The following GRIN2A variants were observed in gnomAD, a reference collection of about 807,000 sequenced individuals.
GRIN2A encodes glutamate receptor ionotropic, NMDA 2A.
In GRIN2A, 22 loss-of-function variants were observed where a neutral mutation model predicts 113.4. That is an observed-to-expected ratio of 0.19 (90% CI 0.14 to 0.28). GRIN2A has a LOEUF of 0.28. GRIN2A is among the 10% of genes least tolerant of loss of function. The pLI, the probability that GRIN2A is intolerant of heterozygous loss-of-function variation, is 1.00. For missense variants in GRIN2A, 1,502 were observed against 1,887.0 expected (o/e 0.80, Z 3.78); for synonymous variants, 827 against 738.4 (o/e 1.12, Z -1.94).
intron 2 of GRIN2A, among the ~76,000 whole-genome samples, chr16:10,174,098 G>A (rs888086775): frequency 6.6e-6 from 1 of 152,192 alleles, no homozygotes; most frequent in Admixed American, 6.5e-5. Context: ...ATGGAGGATA[G>A]GTCCAATATG....
At chr16:9,969,107 C>A (rs922076627) in intron 2 of GRIN2A, among the ~76,000 whole-genome samples, 1 of 152,058 alleles carries the variant, frequency 6.6e-6, no homozygotes, top group African/African-American at 2.4e-5. Context: ...TCAGGTCACA[C>A]TAGCCACACT....
intron 5 of GRIN2A, among the ~76,000 whole-genome samples, chr16:9,846,847 T>C (rs2042781587): frequency 6.6e-6 from 1 of 152,212 alleles, no homozygotes; most frequent in Admixed American, 6.5e-5. Flanking sequence ...GCAGGCCTTT[T>C]TCTTCTGTGA....
intron 2 of GRIN2A, among the ~76,000 whole-genome samples, chr16:10,056,865 T>A (rs979416553): frequency 1.3e-5 from 2 of 152,204 alleles, no homozygotes; most frequent in African/African-American, 4.8e-5. Context: ...AACTGTGATA[T>A]AATAAATTCC....
intron 2 of GRIN2A, chr16:10,112,546 G>A (rs1249043987): frequency 6.4e-6 from 5 of 787,240 alleles, no homozygotes; most frequent in East Asian, 2.4e-5. Flanking sequence ...GCTCCCTGCT[G>A]GCCACCACCA....
At chr16:9,787,439 G>A (rs1337089687) in intron 11 of GRIN2A, among the ~76,000 whole-genome samples, 1 of 152,154 alleles carries the variant, frequency 6.6e-6, no homozygotes, top group African/African-American at 2.4e-5. Flanking sequence ...CGCCCTATCA[G>A]ACTGCACCAA....
At chr16:9,795,395 A>G (rs1247355960) in intron 11 of GRIN2A, among the ~76,000 whole-genome samples, 1 of 152,190 alleles carries the variant, frequency 6.6e-6, no homozygotes, top group African/African-American at 2.4e-5. Context: ...TAAAAAAGGG[A>G]GGCATGAATA....
intron 4 of GRIN2A, among the ~76,000 whole-genome samples, chr16:9,887,485 T>C (rs2043607690): frequency 6.6e-6 from 1 of 152,208 alleles, no homozygotes; most frequent in African/African-American, 2.4e-5. Context: ...TTTGATTCCA[T>C]ATAATGTTTT....
chr16:10,173,266 T>C, intron 2 of GRIN2A, among the ~76,000 whole-genome samples: 1 of 152,234 alleles, frequency 6.6e-6, no homozygotes, highest in Middle Eastern at 3.2e-3. Flanking sequence ...TCTGTGCGTC[T>C]GCCCTTTTCG....
intron 2 of GRIN2A, among the ~76,000 whole-genome samples, chr16:9,945,652 C>A (rs565717440): frequency 1.3e-5 from 2 of 152,162 alleles, no homozygotes; most frequent in African/African-American, 4.8e-5. Flanking sequence ...TAACCCTGTT[C>A]TTCCCTCTGG....
intron 2 of GRIN2A, among the ~76,000 whole-genome samples, chr16:9,998,141 A>G (rs943531608): frequency 2.0e-5 from 3 of 152,182 alleles, no homozygotes; most frequent in Admixed American, 1.3e-4. Flanking sequence ...CCATACCAGT[A>G]TGAGGCTCTA....
At chr16:9,906,955 A>G (rs991718805) in intron 3 of GRIN2A, among the ~76,000 whole-genome samples, 10 of 152,030 alleles carry the variant, frequency 6.6e-5, no homozygotes, top group African/African-American at 2.4e-4. Context: ...TGATCCTCCT[A>G]CCTCAGCCTC....
At chr16:9,793,104 C>A (rs1367711958) in intron 11 of GRIN2A, among the ~76,000 whole-genome samples, 1 of 152,174 alleles carries the variant, frequency 6.6e-6, no homozygotes, top group Non-Finnish European at 1.5e-5. Flanking sequence ...TCACTTTACT[C>A]ATTGGAGCCT....
At chr16:9,862,457 C>G (rs1451563240) in intron 4 of GRIN2A, among the ~76,000 whole-genome samples, 6 of 152,152 alleles carry the variant, frequency 3.9e-5, no homozygotes, top group African/African-American at 1.4e-4. Context: ...CATGAACAAC[C>G]CGCATCTCTG....
At chr16:9,958,974 A>G (rs2045369963) in intron 2 of GRIN2A, among the ~76,000 whole-genome samples, 1 of 152,206 alleles carries the variant, frequency 6.6e-6, no homozygotes, top group African/African-American at 2.4e-5. Context: ...CAAAATGAGC[A>G]GAATTGGTGC....
chr16:9,892,500 T>G (rs2043714131), intron 3 of GRIN2A, among the ~76,000 whole-genome samples: 1 of 152,042 alleles, frequency 6.6e-6, no homozygotes, highest in African/African-American at 2.4e-5. Flanking sequence ...TAGGAGGTAT[T>G]TAGTGAAAGA....
intron 2 of GRIN2A, among the ~76,000 whole-genome samples, chr16:10,123,118 G>A: frequency 6.6e-6 from 1 of 152,150 alleles, no homozygotes; most frequent in East Asian, 1.9e-4. Flanking sequence ...GGGAGATGGG[G>A]CCGATCTCTC....
chr16:9,968,599 C>G (rs1366607185), intron 2 of GRIN2A, among the ~76,000 whole-genome samples: 1 of 151,864 alleles, frequency 6.6e-6, no homozygotes, highest in Non-Finnish European at 1.5e-5. Context: ...AGGCATGAGC[C>G]ACCATACCTG....
chr16:10,021,203 C>G (rs558554940), intron 2 of GRIN2A, among the ~76,000 whole-genome samples: 1 of 152,178 alleles, frequency 6.6e-6, no homozygotes, highest in South Asian at 2.1e-4. Context: ...CTTCCCAGCT[C>G]TAAGGCAGCC....
At chr16:9,870,233 C>T (rs551409511) in intron 4 of GRIN2A, among the ~76,000 whole-genome samples, 1 of 152,330 alleles carries the variant, frequency 6.6e-6, no homozygotes, top group East Asian at 1.9e-4. Context: ...TGAGGTTCTG[C>T]ACGATTAATG....
Sources: gnomAD v4.1 joint callset for allele counts (sites outside exome capture counted in the v4.1 genomes callset) on GRCh38, gnomAD v4.1.1 for gene constraint, MANE v1.5 for transcripts, NCBI Gene and HGNC (gene_info 2026-07-23, HGNC 2026-07-21) for gene names.